ZNF704: variants seen among roughly 807,000 people sequenced by gnomAD.
ZNF704 encodes zinc finger protein 704.
In ZNF704, 10 loss-of-function variants were observed where a neutral mutation model predicts 44.7. The observed-to-expected ratio is 0.22, with a 90% CI of 0.14 to 0.38. The LOEUF (loss-of-function observed/expected upper bound fraction) is 0.38. ZNF704 is among the 10% of genes least tolerant of loss of function. ZNF704 has a pLI of 1.00. For synonymous variants in ZNF704, 211 were observed against 207.6 expected, an observed-to-expected ratio of 1.02 and a Z score of -0.14; for missense variants, 390 against 545.5, an observed-to-expected ratio of 0.71 and a Z score of 2.84.
intron 1 of ZNF704, among the ~76,000 whole-genome samples, chr8:80,834,919 T>C (rs549844536): frequency 5.3e-5 from 8 of 152,332 alleles, no homozygotes; most frequent in African/African-American, 1.9e-4. Flanking sequence ...ACATTTTCTT[T>C]ATCCAGCCTA....
At chr8:80,876,394 C>G (rs1478742501), upstream of ZNF704, among the ~76,000 whole-genome samples, 1 of 152,088 alleles carries the variant, frequency 6.6e-6, no homozygotes, top group Admixed American at 6.5e-5. Context: ...TGGTTTCATC[C>G]CAATTGGAAG....
chr8:80,872,926 G>C lies in ZNF704; in HGVS notation c.-22+1645C>G, dbSNP rs552514401. On this transcript the variant is annotated intron_variant, in intron 1 of 8. Transcript: ENST00000327835. ...AATGATGTCGAGTGGAAACACGGGAGGGCGAGGGTCAATGCCAAAAACTGC... is the reference window on the plus strand; with the variant it reads ...AATGATGTCGAGTGGAAACACGGGACGGCGAGGGTCAATGCCAAAAACTGC... Among the ~76,000 whole-genome samples, 23 of 152,198 alleles carry C rather than the reference G, an allele frequency of 1.5e-4. No homozygotes were observed. The East Asian group carries it at 1.7e-3, about 12-fold the overall frequency.
intron 6 of ZNF704, 21 bp downstream of exon 6, chr8:80,664,794 T>C (rs1321423883): frequency 6.2e-7 from 1 of 1,613,170 alleles, no homozygotes; most frequent in East Asian, 2.2e-5. Flanking sequence ...GTGATTGCTC[T>C]CACAGTCCCC....
intron 2 of ZNF704, among the ~76,000 whole-genome samples, chr8:80,723,568 G>A (rs973438950): frequency 1.3e-5 from 2 of 152,162 alleles, no homozygotes; most frequent in Admixed American, 6.5e-5. Flanking sequence ...GCTTATTTGT[G>A]TATTTTTAAA....
intron 2 of ZNF704, among the ~76,000 whole-genome samples, chr8:80,746,447 A>T (rs1253700955): frequency 2.0e-5 from 3 of 152,128 alleles, no homozygotes; most frequent in Non-Finnish European, 2.9e-5. Flanking sequence ...ACTCTTCTAG[A>T]TATTGGGGAT....
rs556281554 is a variant in ZNF704 at position 80,629,344 on chromosome 8, A to G, written c.*12022T>C. 2 of 152,330 alleles carry G rather than the reference A, an allele frequency of 1.3e-5. No individual in the cohort carries two copies. Among genetic ancestry groups the G allele is most frequent in the African/African-American group, 4.8e-5 (2 of 41,580 alleles). The allele number at this position is 152,330 out of a possible 1,614,324, so 9.4% of individuals were successfully genotyped here. On this transcript the variant is annotated 3_prime_UTR_variant, in exon 9 of 9. Transcript: ENST00000327835. ...AAAAAGACACAATGCCCCTTCCCCA[A>G]TAACTTCTAATTAGGTAGCAAACAA... is the stretch of plus-strand genomic sequence containing the variant.
At chr8:80,741,302 G>GT (rs1197548995) in intron 2 of ZNF704, among the ~76,000 whole-genome samples, 1 of 152,202 alleles carries the variant, frequency 6.6e-6, no homozygotes, top group African/African-American at 2.4e-5. Flanking sequence ...CCAGTGTTAA[G>GT]CTTGCCAACG....
chr8:80,824,978 T>C lies in ZNF704; in HGVS notation c.-21-3363A>G, dbSNP rs537686456. Among the ~76,000 whole-genome samples the C allele has an allele frequency of 2.6e-5, 4 of 152,088 alleles. No individual in the cohort carries two copies. In the South Asian group the frequency reaches 6.2e-4, roughly 24 times the overall value. On this transcript the variant is annotated intron_variant, in intron 1 of 8. Coordinates refer to ENST00000327835, the MANE Select transcript of ZNF704 (RefSeq NM_001033723.3). ...CCAGCCACTGCAAAAACATGCCAAATTGTAAAGACCATCGAGGCTAGGAAG... is the reference window on the plus strand; with the variant it reads ...CCAGCCACTGCAAAAACATGCCAAACTGTAAAGACCATCGAGGCTAGGAAG...
intron 2 of ZNF704, among the ~76,000 whole-genome samples, chr8:80,764,532 G>T (rs575016000): frequency 2.6e-5 from 4 of 152,152 alleles, no homozygotes; most frequent in Admixed American, 2.6e-4. Context: ...GATTTGGATG[G>T]GGACAGAGAA....
At chr8:80,715,994 C>G (rs1194543393) in intron 2 of ZNF704, among the ~76,000 whole-genome samples, 1 of 151,740 alleles carries the variant, frequency 6.6e-6, no homozygotes, top group Non-Finnish European at 1.5e-5. Flanking sequence ...GCACAAGAAT[C>G]ACTTGAACCT....
chr8:80,736,820 C>T (rs1170840182), intron 2 of ZNF704, among the ~76,000 whole-genome samples: 2 of 152,072 alleles, frequency 1.3e-5, no homozygotes, highest in Non-Finnish European at 2.9e-5. Context: ...AATCAAACAC[C>T]ACCTGTTCCC....
At chr8:80,734,762 C>T (rs1585989566) in intron 2 of ZNF704, among the ~76,000 whole-genome samples, 1 of 152,136 alleles carries the variant, frequency 6.6e-6, no homozygotes, top group African/African-American at 2.4e-5. Flanking sequence ...ATTTTAGATT[C>T]AAATGTTCAA....
chr8:80,709,786 G>A (rs892185947), intron 2 of ZNF704, among the ~76,000 whole-genome samples: 15 of 152,178 alleles, frequency 9.9e-5, no homozygotes, highest in Admixed American at 5.9e-4. Context: ...ACCTTGGAGA[G>A]GAGCAGCCCC....
chr8:80,732,245 A>G (rs1159988143), intron 2 of ZNF704, among the ~76,000 whole-genome samples: 1 of 151,998 alleles, frequency 6.6e-6, no homozygotes, highest in African/African-American at 2.4e-5. Context: ...TTGGTGTTCT[A>G]TTCTGTTTAT....
chr8:80,791,228 G>A (rs1807702970), intron 2 of ZNF704, among the ~76,000 whole-genome samples: 1 of 152,116 alleles, frequency 6.6e-6, no homozygotes, highest in Admixed American at 6.5e-5. Context: ...TCACTTTTTG[G>A]GCAGAAGAGG....
At chr8:80,746,396 T>C (rs987092641) in intron 2 of ZNF704, among the ~76,000 whole-genome samples, 3 of 152,190 alleles carry the variant, frequency 2.0e-5, no homozygotes, top group African/African-American at 7.2e-5. Context: ...ACCCATTGTA[T>C]TCACTGATTC....
chr8:80,806,215 C>CA (rs1807986989), intron 2 of ZNF704, among the ~76,000 whole-genome samples: 1 of 152,168 alleles, frequency 6.6e-6, no homozygotes, highest in African/African-American at 2.4e-5. Flanking sequence ...GTCCATTATT[C>CA]AAACCCAAAG....
At chr8:80,713,856 T>C (rs1563528408) in intron 2 of ZNF704, among the ~76,000 whole-genome samples, 2 of 152,226 alleles carry the variant, frequency 1.3e-5, no homozygotes, top group Admixed American at 1.3e-4. Flanking sequence ...GATGCTGACA[T>C]CGAGTAGAAT....
At chr8:80,678,770 G>A (rs758438245) in intron 4 of ZNF704, among the ~76,000 whole-genome samples, 1 of 152,104 alleles carries the variant, frequency 6.6e-6, no homozygotes, top group Non-Finnish European at 1.5e-5. Context: ...ATGACCTGTC[G>A]TATTTGACCT....
Sources: allele counts gnomAD v4.1 joint callset (sites outside exome capture counted in the v4.1 genomes callset), GRCh38; gene constraint gnomAD v4.1.1; transcripts MANE v1.5; gene names NCBI Gene and HGNC (gene_info 2026-07-23, HGNC 2026-07-21).